GFI1B: variants seen among roughly 807,000 people sequenced by gnomAD.
GFI1B encodes the protein growth factor independent 1B transcriptional repressor.
A neutral mutation model predicts 35.3 loss-of-function variants in GFI1B; 20 were observed. The ratio of observed to expected loss-of-function variants is 0.57; its 90% CI spans 0.40 to 0.82. The LOEUF (loss-of-function observed/expected upper bound fraction) is 0.82. Ranked by LOEUF, GFI1B falls within the 40% of genes least tolerant of loss-of-function variation. The pLI is 0.00. For synonymous variants in GFI1B, 178 were observed against 177.6 expected (o/e 1.00, Z -0.02); for missense variants, 430 against 446.3 (o/e 0.96, Z 0.33).
intron 1 of GFI1B, among the ~76,000 whole-genome samples, chr9:132,954,633 GGTGGT>G (rs1264621638): frequency 6.6e-6 from 1 of 151,592 alleles, no homozygotes; most frequent in Non-Finnish European, 1.5e-5. Context: ...TGTTGTCCAG[GGTGGT>G]CTCAAACCCC....
intron 1 of GFI1B, among the ~76,000 whole-genome samples, chr9:132,964,781 C>T (rs1345697192): frequency 2.5e-5 from 3 of 122,050 alleles, no homozygotes; most frequent in African/African-American, 6.3e-5. Context: ...TGATGGAGTT[C>T]CAGGCTGGAG....
chr9:132,962,747 A>G (rs1025438293), intron 1 of GFI1B: 24 of 373,774 alleles, frequency 6.4e-5, no homozygotes, highest in African/African-American at 5.1e-4. Flanking sequence ...AAATGTCACC[A>G]TATCTGGACA....
intron 1 of GFI1B, among the ~76,000 whole-genome samples, chr9:132,968,241 G>A (rs2132605922): frequency 1.3e-5 from 2 of 151,998 alleles, no homozygotes; most frequent in South Asian, 4.2e-4. Context: ...AGCATGCTGA[G>A]TAGCTAGGAC....
rs1329920511 is a variant in GFI1B, at chr9:132,950,252, C to T, written c.-701+4583C>T. On this transcript the variant is annotated intron_variant, in intron 1 of 10. Transcript: ENST00000339463. ...TTTCCTTTCTTCACCCACATCACAC[C>T]TGTTCTTCCTCCAAGACTCAACTCC... is the stretch of plus-strand genomic sequence containing the variant. Among the ~76,000 whole-genome samples the T allele has an allele frequency of 2.0e-5, 3 of 152,168 alleles. No individual in the cohort carries two copies. The East Asian group carries it at 5.8e-4, about 29-fold the overall frequency.
chr9:132,961,812 C>T (rs879904621), intron 1 of GFI1B, among the ~76,000 whole-genome samples: 3 of 151,834 alleles, frequency 2.0e-5, no homozygotes, highest in African/African-American at 7.3e-5. Context: ...AGGATGGTCT[C>T]GATCTCCTGA....
chr9:132,975,998 C>A (rs530151173), upstream of GFI1B, among the ~76,000 whole-genome samples: 9 of 152,246 alleles, frequency 5.9e-5, no homozygotes, highest in East Asian at 1.7e-3. Context: ...TCAAGGGGAA[C>A]CTGGGTGGCT....
chr9:132,956,608 A>G (rs1375174890), intron 1 of GFI1B, among the ~76,000 whole-genome samples: 1 of 152,260 alleles, frequency 6.6e-6, no homozygotes, highest in Non-Finnish European at 1.5e-5. Context: ...TGCTGGATCC[A>G]TTCAAAATAA....
At chr9:132,948,933 C>T (rs1588401943) in intron 1 of GFI1B, among the ~76,000 whole-genome samples, 1 of 152,326 alleles carries the variant, frequency 6.6e-6, no homozygotes, top group South Asian at 2.1e-4. Context: ...GACCAAAGTG[C>T]GGCAGGGTCA....
intron 1 of GFI1B, among the ~76,000 whole-genome samples, chr9:132,962,293 A>G (rs1848379954): frequency 6.6e-6 from 1 of 151,912 alleles, no homozygotes; most frequent in Admixed American, 6.6e-5. Flanking sequence ...GCGAGCCACC[A>G]TGCCTGGCTA....
At chr9:132,973,087 C>T (rs753051004) in intron 2 of GFI1B, among the ~76,000 whole-genome samples, 3 of 152,254 alleles carry the variant, frequency 2.0e-5, no homozygotes, top group African/African-American at 7.2e-5. Flanking sequence ...CCAGCCGGCT[C>T]TCTGGGAGCC....
chr9:132,982,702 T>A (rs1047043459), intron 1 of GFI1B, among the ~76,000 whole-genome samples: 2 of 146,272 alleles, frequency 1.4e-5, no homozygotes, highest in Admixed American at 6.8e-5. Flanking sequence ...GTTTTTTCTT[T>A]AAAAAAAAAA....
chr9:132,955,966 C>T (rs571897330), intron 1 of GFI1B, among the ~76,000 whole-genome samples: 2 of 152,272 alleles, frequency 1.3e-5, no homozygotes, highest in Non-Finnish European at 2.9e-5. Flanking sequence ...GCAGAATTCC[C>T]TCTTGCTTGT....
rs538202805 is a variant in GFI1B at position 132,987,196 on chromosome 9, C to T, written c.101-86C>T. 5.4e-5 allele frequency: 76 copies of T among 1,416,212 alleles called. 1 individual carries two copies. In the African/African-American group the frequency reaches 1.0e-3, roughly 19 times the overall value. 87.7% of individuals were successfully genotyped at this position (1,416,212 alleles called of 1,614,324 possible). A position where few individuals can be genotyped will look rare whatever the true frequency, so the allele number is the denominator to read the frequency against. ...CGTGGCTGTCTCTCTGGGCCTCCTC[C>T]TCCTAGGAAGGGCGTGCCCTCCTTG... On this transcript the variant is annotated intron_variant, in intron 2 of 6. Transcript: ENST00000372122.
chr9:132,950,003 T>C lies in GFI1B; in HGVS notation c.-701+4334T>C, dbSNP rs113614407. Among the ~76,000 whole-genome samples the C allele has an allele frequency of 5.9e-3, 905 of 152,192 alleles. 6 individuals carry two copies. Among genetic ancestry groups the C allele is most frequent in the African/African-American group, 0.021 (856 of 41,526 alleles). ...GGCATGCAGCTGAAGTACTAGCTAC[T>C]TGAGTGGCTGAGGCAGGAGGATCAC... On this transcript the variant is annotated intron_variant, in intron 1 of 10. Coordinates refer to the GFI1B transcript ENST00000339463.
chr9:132,984,017 G>A (rs903766904), intron 1 of GFI1B, among the ~76,000 whole-genome samples: 3 of 152,240 alleles, frequency 2.0e-5, no homozygotes, highest in Non-Finnish European at 4.4e-5. Context: ...AAACAAGGCA[G>A]GCTAAGCAGC....
Position 132,989,984 on chromosome 9 carries a change from C to A in GFI1B, c.814+77C>A. 2 of 1,307,406 alleles carry A rather than the reference C, an allele frequency of 1.5e-6. No individual in the cohort carries two copies. The highest frequency in any genetic ancestry group is 2.4e-5 in the East Asian group (1 of 42,322). 81.0% of individuals were successfully genotyped at this position (1,307,406 alleles called of 1,614,324 possible). On this transcript the variant is annotated intron_variant, in intron 6 of 6. Transcript: ENST00000372122. This position sits in a 1 kb window ranked among gnomAD's most constrained non-coding sequence, Gnocchi z 6.2. ...CCCTGAGAGATGCATCAGAGGCCCC[C>A]AGCGTGAGGCTGGGGGCGGGGTCTA...
chr9:132,987,529 G>A (rs1849119428), intron 3 of GFI1B, 110 bp downstream of exon 3: 14 of 1,240,410 alleles, frequency 1.1e-5, no homozygotes, highest in South Asian at 2.5e-5. Context: ...AAGGACCCAC[G>A]AAGTCACTGG....
intron 2 of GFI1B, 51 bp downstream of exon 2, chr9:132,986,829 C>A (rs373220311): frequency 2.6e-6 from 3 of 1,137,110 alleles, no homozygotes; most frequent in Non-Finnish European, 3.9e-6. Context: ...GGGCTCTCTG[C>A]TCTGCGTGAT....
At position 132,972,935 on chromosome 9, in the gene GFI1B, G is replaced by C. The variant is rs182631985; in HGVS notation, c.-679+189G>C. Reference sequence around the variant, plus strand: ...GGAGCCTGGACCTGGAAAGAGGTCCGTAGCCGCCGATGACCAGGTGGACGT... The same window carrying C: ...GGAGCCTGGACCTGGAAAGAGGTCCCTAGCCGCCGATGACCAGGTGGACGT... On this transcript the variant is annotated intron_variant, in intron 2 of 10. Coordinates refer to the GFI1B transcript ENST00000339463. Among the ~76,000 whole-genome samples, 27 of 152,346 alleles carry C rather than the reference G, an allele frequency of 1.8e-4. 1 individual carries two copies. In the East Asian group the frequency reaches 5.2e-3, roughly 29 times the overall value.
Sources: gnomAD v4.1 joint callset for allele counts (sites outside exome capture counted in the v4.1 genomes callset) on GRCh38, gnomAD v4.1.1 for gene constraint, Gnocchi (gnomAD v3.1) non-coding constraint, MANE v1.5 for transcripts, NCBI Gene and HGNC (gene_info 2026-07-23, HGNC 2026-07-21) for gene names.